Variants in PLCB1 observed in about 807,000 individuals in gnomAD.
PLCB1 encodes 1-phosphatidylinositol 4,5-bisphosphate phosphodiesterase beta-1.
A neutral mutation model predicts 161.8 loss-of-function variants in PLCB1; 46 were observed. The observed-to-expected ratio is 0.28, with a 90% CI of 0.22 to 0.36. The LOEUF is 0.36. PLCB1 is among the 10% of genes least tolerant of loss of function. The probability of loss-of-function intolerance (pLI) is 1.00; values close to 1 mark genes in which losing one functional copy is unlikely to be tolerated. For synonymous variants in PLCB1, 517 were observed against 503.7 expected (o/e 1.03, Z -0.35); for missense variants, 1,016 against 1,472.5 (o/e 0.69, Z 5.07).
At chr20:8,629,957 T>G (rs979801939) in intron 4 of PLCB1, among the ~76,000 whole-genome samples, 4 of 113,828 alleles carry the variant, frequency 3.5e-5, no homozygotes, top group African/African-American at 1.8e-4. Context: ...TTTCTTTTCT[T>G]TCTTTCTTCT....
intron 3 of PLCB1, among the ~76,000 whole-genome samples, chr20:8,511,279 T>C (rs1334414972): frequency 4.6e-5 from 7 of 152,178 alleles, no homozygotes; most frequent in Non-Finnish European, 1.0e-4. Flanking sequence ...TCCAAGTTCA[T>C]TCATGTTGTT....
chr20:8,298,490 A>G (rs904291624), intron 2 of PLCB1, among the ~76,000 whole-genome samples: 18 of 151,768 alleles, frequency 1.2e-4, no homozygotes, highest in African/African-American at 4.1e-4. Flanking sequence ...AATATTTCTA[A>G]TATTTATTTT....
At chr20:8,381,801 A>T (rs1388879540) in intron 3 of PLCB1, among the ~76,000 whole-genome samples, 1 of 151,946 alleles carries the variant, frequency 6.6e-6, no homozygotes. Context: ...CCCCTTTATC[A>T]TTTTTTAGTG....
intron 2 of PLCB1, among the ~76,000 whole-genome samples, chr20:8,370,024 C>G (rs763263681): frequency 2.0e-5 from 3 of 152,216 alleles, no homozygotes; most frequent in African/African-American, 4.8e-5. Context: ...GGAGCTTGGC[C>G]TTTAAGAAGT....
chr20:8,710,471 T>C (rs1343997537), intron 12 of PLCB1, among the ~76,000 whole-genome samples: 1 of 151,770 alleles, frequency 6.6e-6, no homozygotes, highest in African/African-American at 2.4e-5. Flanking sequence ...AGCACTTTTC[T>C]TTCAGGTATT....
intron 2 of PLCB1, among the ~76,000 whole-genome samples, chr20:8,271,163 G>A (rs911951450): frequency 6.6e-6 from 1 of 152,102 alleles, no homozygotes; most frequent in African/African-American, 2.4e-5. Flanking sequence ...CATTCCCTTA[G>A]ATGCTTTTGG....
chr20:8,365,358 T>G (rs1446099548), intron 2 of PLCB1, among the ~76,000 whole-genome samples: 2 of 152,224 alleles, frequency 1.3e-5, no homozygotes, highest in Non-Finnish European at 2.9e-5. Flanking sequence ...ATCTTTCTCT[T>G]TTCTCTGCCT....
intron 27 of PLCB1, 38 bp from the exon 28 acceptor site, chr20:8,788,411 A>C: frequency 6.3e-7 from 1 of 1,591,744 alleles, no homozygotes; most frequent in Non-Finnish European, 8.6e-7. Context: ...TCTGTTTGCA[A>C]TCATTTGAAA....
intron 3 of PLCB1, among the ~76,000 whole-genome samples, chr20:8,491,428 C>T (rs1056703675): frequency 1.3e-5 from 2 of 152,074 alleles, no homozygotes; most frequent in African/African-American, 4.8e-5. Context: ...GCCTCTCCCC[C>T]TCTTTCAAGG....
intron 3 of PLCB1, among the ~76,000 whole-genome samples, chr20:8,602,219 T>C (rs995640804): frequency 4.6e-5 from 7 of 152,238 alleles, no homozygotes; most frequent in African/African-American, 1.7e-4. Context: ...CACCAAGTTT[T>C]TTTTTTAATC....
At chr20:8,642,352 C>T (rs1988982338) in intron 4 of PLCB1, among the ~76,000 whole-genome samples, 1 of 152,138 alleles carries the variant, frequency 6.6e-6, no homozygotes, top group Admixed American at 6.5e-5. Flanking sequence ...GCTCCTGTAC[C>T]ATCTTTCACC....
intron 2 of PLCB1, among the ~76,000 whole-genome samples, chr20:8,355,470 TA>T (rs558403777): frequency 3.4e-3 from 521 of 152,256 alleles, no homozygotes; most frequent in Non-Finnish European, 5.9e-3. Flanking sequence ...CTGTCCTCTT[TA>T]AAAAGGACAC....
At chr20:8,351,956 T>C (rs938349946) in intron 2 of PLCB1, among the ~76,000 whole-genome samples, 19 of 152,096 alleles carry the variant, frequency 1.2e-4, no homozygotes, top group African/African-American at 4.1e-4. Flanking sequence ...CTAAACATAC[T>C]CTTACCACAT....
chr20:8,227,626 A>G (rs1448914786), intron 2 of PLCB1, among the ~76,000 whole-genome samples: 1 of 152,210 alleles, frequency 6.6e-6, no homozygotes. Flanking sequence ...ACACTTTTAC[A>G]AATTGCTTTT....
intron 3 of PLCB1, among the ~76,000 whole-genome samples, chr20:8,536,625 C>A (rs2423365): frequency 0.97 from 147,625 of 152,242 alleles, 71,606 homozygotes; most frequent in East Asian, 1. Context: ...CCCATATCTC[C>A]GTGCTCCTAT....
intron 3 of PLCB1, among the ~76,000 whole-genome samples, chr20:8,417,148 G>A (rs1175540892): frequency 3.2e-5 from 4 of 123,948 alleles, no homozygotes; most frequent in East Asian, 2.7e-4. Context: ...GTGCAGTGGC[G>A]CAATCTCGGC....
In PLCB1 at chr20:8,882,252, T is replaced by C. The variant is rs993558596; in HGVS notation, c.*403T>C. ...ATAGTTTGAGAAATGCATAGCATTA[T>C]TTAACACTATTGAACAGCCGACTTT... On this transcript the variant is annotated 3_prime_UTR_variant, in exon 32 of 32. Coordinates refer to ENST00000338037, the MANE Select transcript of PLCB1 (RefSeq NM_015192.4). The C allele has an allele frequency of 6.3e-5, 12 of 189,164 alleles. No individual in the cohort carries two copies. Among genetic ancestry groups the C allele is most frequent in the African/African-American group, 1.9e-4 (8 of 42,362 alleles). 11.7% of individuals were successfully genotyped at this position (189,164 alleles called of 1,614,324 possible).
chr20:8,711,761 C>G (rs62195833), intron 12 of PLCB1, among the ~76,000 whole-genome samples: 14,866 of 151,882 alleles, frequency 0.098, 1,060 homozygotes, highest in East Asian at 0.32. Context: ...GACTTGTGAG[C>G]CACTTCATCT....
chr20:8,851,537 C>A (rs34981336), intron 31 of PLCB1, among the ~76,000 whole-genome samples: 15 of 152,156 alleles, frequency 9.9e-5, no homozygotes, highest in African/African-American at 3.6e-4. Flanking sequence ...TGCATGCCAA[C>A]TCCATCATAT....
Sources: gnomAD v4.1 joint callset for allele counts (sites outside exome capture counted in the v4.1 genomes callset) on GRCh38, gnomAD v4.1.1 for gene constraint, MANE v1.5 for transcripts, NCBI Gene and HGNC (gene_info 2026-07-23, HGNC 2026-07-21) for gene names.